The following CCDC196 variants were observed in gnomAD, a reference collection of about 807,000 sequenced individuals.
The protein encoded by CCDC196 is coiled-coil domain-containing protein 196.
At chr14:66,493,681 T>C (rs918009060) in intron 8 of CCDC196, 1 of 152,178 alleles carries the variant, frequency 6.6e-6, no homozygotes, top group African/African-American at 2.4e-5. Context: ...GCTTGATCCA[T>C]AGGTAAATTT....
chr14:66,487,606 C>T (rs530966203), intron 2 of CCDC196, among the ~76,000 whole-genome samples: 46 of 152,324 alleles, frequency 3.0e-4, no homozygotes, highest in Admixed American at 5.9e-4. Context: ...AATATCCTCT[C>T]TCACAAGGAC....
chr14:66,493,649 G>A (rs780684368), intron 8 of CCDC196: 2 of 152,108 alleles, frequency 1.3e-5, no homozygotes, highest in Non-Finnish European at 2.9e-5. Flanking sequence ...TTTGATTCAG[G>A]TACATAAGAC....
chr14:66,486,997 T>G (rs938206647), intron 2 of CCDC196, among the ~76,000 whole-genome samples, 188 bp downstream of exon 2: 1 of 152,158 alleles, frequency 6.6e-6, no homozygotes, highest in Non-Finnish European at 1.5e-5. Flanking sequence ...TTTCTTTTAG[T>G]AAATTAAATA....
At position 66,486,418 on chromosome 14, in the gene CCDC196, G is replaced by A. The variant is rs2057399020; in HGVS notation, c.-85G>A. 7.5e-6 allele frequency: 3 copies of A among 398,674 alleles called. No homozygotes were observed. Among genetic ancestry groups the A allele is most frequent in the Admixed American group, 4.4e-5 (1 of 22,714 alleles). The allele number at this position is 398,674 out of a possible 1,614,324, so 24.7% of individuals were successfully genotyped here. ...TGCAGCAGGAGTTTCAAGAACAGCA[G>A]CACAAAAATAATGACTTAACTGGAT... On this transcript the variant is annotated 5_prime_UTR_variant, in exon 1 of 10. Transcript: ENST00000636229.
At chr14:66,494,292 C>T (rs924017318) in intron 8 of CCDC196, among the ~76,000 whole-genome samples, 1 of 152,092 alleles carries the variant, frequency 6.6e-6, no homozygotes, top group South Asian at 2.1e-4. Context: ...TTTGTTTGAG[C>T]CCAAGTGGAT....
chr14:66,491,772 C>T (rs1473904162), intron 7 of CCDC196, 87 bp downstream of exon 7: 1 of 412,498 alleles, frequency 2.4e-6, no homozygotes, highest in African/African-American at 2.1e-5. Context: ...GAAGCCCAGT[C>T]CCCACATCCT....
chr14:66,490,704 C>T (rs2057514427), intron 4 of CCDC196, 38 bp from the exon 5 acceptor site: 1 of 398,994 alleles, frequency 2.5e-6, no homozygotes, highest in Non-Finnish European at 4.4e-6. Flanking sequence ...TCTTTAATTT[C>T]CACTACTTTA....
chr14:66,490,078 C>T (rs903350679), intron 4 of CCDC196, among the ~76,000 whole-genome samples: 12 of 152,122 alleles, frequency 7.9e-5, no homozygotes, highest in African/African-American at 2.9e-4. Context: ...AGATCTGCTC[C>T]AGGTTCTCGT....
chr14:66,492,855 C>G (rs2057575525), intron 8 of CCDC196: 1 of 152,570 alleles, frequency 6.6e-6, no homozygotes, highest in African/African-American at 2.4e-5. Flanking sequence ...GGAATAGACT[C>G]TGCTACTTCA....
intron 2 of CCDC196, among the ~76,000 whole-genome samples, chr14:66,487,449 A>T (rs1222833129): frequency 6.6e-6 from 1 of 152,230 alleles, no homozygotes; most frequent in Non-Finnish European, 1.5e-5. Context: ...CTTACAACTC[A>T]GCAACAAGCA....
In CCDC196 at chr14:66,496,490, C is replaced by A. The variant is rs530889671; in HGVS notation, c.716-1619C>A. 7 of 404,938 alleles carry A rather than the reference C, an allele frequency of 1.7e-5. No homozygotes were observed. The East Asian group carries it at 5.1e-4, about 29-fold the overall frequency. 25.1% of individuals were successfully genotyped at this position (404,938 alleles called of 1,614,324 possible). On this transcript the variant is annotated intron_variant, in intron 8 of 9. Transcript: ENST00000636229. ...TGCTGCCTCACTTAGTCTGTTTATACCTACGATGAAGTCTTTACTTTTGAT... is the reference window on the plus strand; with the variant it reads ...TGCTGCCTCACTTAGTCTGTTTATAACTACGATGAAGTCTTTACTTTTGAT...
At chr14:66,497,114 A>ATT (rs2057685437) in intron 8 of CCDC196, among the ~76,000 whole-genome samples, 1 of 152,170 alleles carries the variant, frequency 6.6e-6, no homozygotes. Flanking sequence ...GGAAAACCAC[A>ATT]GCTAGCTCAA....
rs1380854825 is a variant in CCDC196, at chr14:66,491,665, G to C, written c.553G>C (p.Glu185Gln). Reference sequence around the variant, plus strand: ...GAAAATGGAATGGGTCAAGTATCAGGAACAAAATAACATCCTTCAGGTACT... The same window carrying C: ...GAAAATGGAATGGGTCAAGTATCAGCAACAAAATAACATCCTTCAGGTACT... ...QRKMEWVKYQ[E>Q]QNNILQNDFH... Residue 185 changes from glutamate to glutamine, a missense_variant, in exon 7 of 10, where the codon GAA becomes CAA. By Grantham distance (29) the Glu-to-Gln change is conservative. Coordinates refer to ENST00000636229, the MANE Select transcript of CCDC196 (RefSeq NM_001351576.1). 2.4e-6 allele frequency: 1 copy of C among 413,864 alleles called. No individual in the cohort carries two copies. Among genetic ancestry groups the C allele is most frequent in the African/African-American group, 2.1e-5 (1 of 48,718 alleles). The allele number at this position is 413,864 out of a possible 1,614,324, so 25.6% of individuals were successfully genotyped here.
intron 8 of CCDC196, chr14:66,496,174 G>A: frequency 2.3e-6 from 1 of 439,596 alleles, no homozygotes; most frequent in Non-Finnish European, 4.6e-6. Flanking sequence ...TTAGAGAAAG[G>A]GTGGAATATA....
chr14:66,496,442 T>A lies in CCDC196; in HGVS notation c.716-1667T>A, dbSNP rs866178794. Reference sequence around the variant, plus strand: ...TGATGCCCAGGATGTGGCATTACCGTCATCCATGTTATCTCTTTGGCATGC... The same window carrying A: ...TGATGCCCAGGATGTGGCATTACCGACATCCATGTTATCTCTTTGGCATGC... On this transcript the variant is annotated intron_variant, in intron 8 of 9. Coordinates refer to ENST00000636229, the MANE Select transcript of CCDC196 (RefSeq NM_001351576.1). The A allele has an allele frequency of 2.4e-4, 107 of 450,236 alleles. 3 individuals are homozygous for A. The Middle Eastern group carries it at 0.011, about 48-fold the overall frequency. 27.9% of individuals were successfully genotyped at this position (450,236 alleles called of 1,614,324 possible).
At chr14:66,493,636 T>C (rs1362267585) in intron 8 of CCDC196, 1 of 152,236 alleles carries the variant, frequency 6.6e-6, no homozygotes, top group Non-Finnish European at 1.5e-5. Context: ...CACCTCAAGA[T>C]GATTTGATTC....
chr14:66,492,360 G>C (rs2057561178), intron 8 of CCDC196, among the ~76,000 whole-genome samples, 166 bp downstream of exon 8: 2 of 140,096 alleles, frequency 1.4e-5, no homozygotes, highest in Non-Finnish European at 3.0e-5. Flanking sequence ...TTTTGAGACA[G>C]AGTCTGGCTC....
chr14:66,494,477 A>G (rs573232130), intron 8 of CCDC196, among the ~76,000 whole-genome samples: 15 of 152,232 alleles, frequency 9.9e-5, no homozygotes, highest in Middle Eastern at 3.4e-3. Flanking sequence ...GTGTTGTAGT[A>G]TTTTCCAACT....
chr14:66,492,067 C>T lies in CCDC196; in HGVS notation c.588C>T (p.Gly196=), dbSNP rs2057553178. The part of the protein sequence containing the change: ...QNNILQNDFH[G]KVIELRIEAL... Reference sequence around the variant, plus strand: ...TTCTCTTTCAGAATGATTTTCATGGCAAAGTGATTGAGCTGAGAATTGAAG... The same window carrying T: ...TTCTCTTTCAGAATGATTTTCATGGTAAAGTGATTGAGCTGAGAATTGAAG... The change falls in exon 8 of 10, where the codon GGC becomes GGT. Residue 196 remains glycine, a synonymous_variant. Coordinates refer to ENST00000636229, the MANE Select transcript of CCDC196 (RefSeq NM_001351576.1). The T allele has an allele frequency of 2.4e-6, 1 of 413,300 alleles. No homozygotes were observed. Among genetic ancestry groups the T allele is most frequent in the Non-Finnish European group, 4.4e-6 (1 of 226,142 alleles). 25.6% of individuals were successfully genotyped at this position (413,300 alleles called of 1,614,324 possible).
Sources: gnomAD v4.1 joint callset for allele counts (sites outside exome capture counted in the v4.1 genomes callset) on GRCh38, gnomAD v4.1.1 for gene constraint, MANE v1.5 for transcripts, NCBI Gene and HGNC (gene_info 2026-07-23, HGNC 2026-07-21) for gene names.